The following CNGB3 variants were observed in gnomAD, a reference collection of about 807,000 sequenced individuals.
The protein encoded by CNGB3 is cyclic nucleotide-gated channel beta-3.
Under a neutral mutation model 92.8 loss-of-function variants are expected in CNGB3, and 86 were observed. The ratio of observed to expected loss-of-function variants is 0.93; its 90% CI spans 0.78 to 1.11. The LOEUF (loss-of-function observed/expected upper bound fraction) is 1.11. Ranked by LOEUF, CNGB3 falls within the 50% of genes least tolerant of loss-of-function variation. CNGB3 has a pLI of 0.00. For missense variants in CNGB3, 1,026 were observed against 956.8 expected, an observed-to-expected ratio of 1.07 and a Z score of -0.95; for synonymous variants, 333 against 332.7, an observed-to-expected ratio of 1.00 and a Z score of -0.01.
At chr8:86,689,202 G>T (rs1207307865) in intron 3 of CNGB3, among the ~76,000 whole-genome samples, 1 of 151,194 alleles carries the variant, frequency 6.6e-6, no homozygotes, top group African/African-American at 2.4e-5. Flanking sequence ...CTAACATATG[G>T]TCTACCCTTG....
intron 1 of CNGB3, among the ~76,000 whole-genome samples, chr8:86,742,050 G>A (rs1006141475): frequency 2.6e-5 from 4 of 152,200 alleles, no homozygotes; most frequent in Non-Finnish European, 5.9e-5. Flanking sequence ...TAGGACCTGT[G>A]ACTGTTGTGA....
At chr8:86,737,654 C>T (rs1031679951) in intron 2 of CNGB3, among the ~76,000 whole-genome samples, 2 of 151,958 alleles carry the variant, frequency 1.3e-5, no homozygotes, top group Non-Finnish European at 2.9e-5. Flanking sequence ...TTTTGTGTCA[C>T]GGGGGTTTGG....
chr8:86,693,725 G>A (rs1028744169), intron 3 of CNGB3, among the ~76,000 whole-genome samples: 7 of 151,630 alleles, frequency 4.6e-5, no homozygotes, highest in African/African-American at 1.7e-4. Context: ...AACCCTGAGT[G>A]GACACAGCAC....
intron 3 of CNGB3, among the ~76,000 whole-genome samples, chr8:86,710,440 C>T (rs1256861163): frequency 2.0e-5 from 3 of 152,066 alleles, no homozygotes; most frequent in African/African-American, 7.2e-5. Context: ...CAGTCCTAGG[C>T]AGAGCAATCA....
chr8:86,614,965 G>A (rs1822588904), intron 13 of CNGB3, among the ~76,000 whole-genome samples: 1 of 152,084 alleles, frequency 6.6e-6, no homozygotes, highest in African/African-American at 2.4e-5. Flanking sequence ...CCACCTCCAC[G>A]GGTTCAAACA....
chr8:86,598,006 AAAATT>A (rs1554606828), intron 15 of CNGB3, among the ~76,000 whole-genome samples: 1 of 102,602 alleles, frequency 9.7e-6, no homozygotes, highest in Admixed American at 8.3e-5. Context: ...AAAATAAAAT[AAAATT>A]AAAATAAAAT....
chr8:86,742,504 G>A (rs1050199153), intron 1 of CNGB3, among the ~76,000 whole-genome samples: 1 of 152,086 alleles, frequency 6.6e-6, no homozygotes. Flanking sequence ...CTATCCTCTA[G>A]GCTCATTTAA....
At chr8:86,579,447 TCTAA>T (rs1210997969) in intron 15 of CNGB3, among the ~76,000 whole-genome samples, 195 bp from the exon 16 acceptor site, 15 of 152,226 alleles carry the variant, frequency 9.9e-5, no homozygotes, top group African/African-American at 3.6e-4. Flanking sequence ...ATATTTTTTC[TCTAA>T]CTCTCACCTC....
At chr8:86,709,071 T>C (rs1259714002) in intron 3 of CNGB3, among the ~76,000 whole-genome samples, 2 of 152,190 alleles carry the variant, frequency 1.3e-5, no homozygotes, top group African/African-American at 2.4e-5. Flanking sequence ...TACATGCTTA[T>C]AGAAATGATC....
chr8:86,626,003 T>A lies in CNGB3; in HGVS notation c.1558A>T (p.Ser520Cys). 1 of 1,613,792 alleles carries A rather than the reference T, an allele frequency of 6.2e-7. No homozygotes were observed. The highest frequency in any genetic ancestry group is 2.2e-5 in the East Asian group (1 of 44,838). Residue 520 changes from serine to cysteine, a missense_variant, in exon 13 of 18, where the codon AGC becomes TGC. Transcript: ENST00000320005. Reference protein sequence around the residue: ...LAIDVNFSIISKVDLFKGCDT... With the variant: ...LAIDVNFSIICKVDLFKGCDT... Reference sequence around the variant, plus strand: ...CTTGCCTTGAACAAGTCGACTTTGCTGATGATGCTGAAGTTCACATCAATG... The same window carrying A: ...CTTGCCTTGAACAAGTCGACTTTGCAGATGATGCTGAAGTTCACATCAATG...
chr8:86,742,177 T>G (rs1314026374), intron 1 of CNGB3, among the ~76,000 whole-genome samples: 2 of 152,218 alleles, frequency 1.3e-5, no homozygotes, highest in African/African-American at 4.8e-5. Context: ...GGTTTTTATG[T>G]GCTCCCTTGG....
intron 6 of CNGB3, among the ~76,000 whole-genome samples, chr8:86,657,039 T>A (rs2131605380): frequency 6.6e-6 from 1 of 152,280 alleles, no homozygotes; most frequent in East Asian, 1.9e-4. Flanking sequence ...TTTAGCCCCA[T>A]TGTCCTGCCT....
chr8:86,652,623 C>G (rs189234772), intron 7 of CNGB3, among the ~76,000 whole-genome samples: 67 of 151,968 alleles, frequency 4.4e-4, no homozygotes, highest in Non-Finnish European at 7.7e-4. Flanking sequence ...AACCAAGACA[C>G]AAGCACACAA....
intron 15 of CNGB3, among the ~76,000 whole-genome samples, chr8:86,579,897 C>G (rs899073528): frequency 6.6e-6 from 1 of 152,148 alleles, no homozygotes; most frequent in Non-Finnish European, 1.5e-5. Context: ...AGTAACAGTT[C>G]CTTTGCTGTT....
intron 15 of CNGB3, among the ~76,000 whole-genome samples, chr8:86,591,622 G>C (rs1822038470): frequency 6.6e-6 from 1 of 152,192 alleles, no homozygotes; most frequent in African/African-American, 2.4e-5. Context: ...GTGTGCCCCT[G>C]CTGGAGGGTG....
intron 16 of CNGB3, 68 bp from the exon 17 acceptor site, chr8:86,578,931 A>G: frequency 1.3e-6 from 2 of 1,597,992 alleles, no homozygotes; most frequent in East Asian, 2.2e-5. Context: ...TACTAAAAAA[A>G]CTGCAATTTA....
chr8:86,592,977 A>C (rs574051841), intron 15 of CNGB3, among the ~76,000 whole-genome samples: 225 of 152,346 alleles, frequency 1.5e-3, no homozygotes, highest in African/African-American at 5.2e-3. Flanking sequence ...ATATCAGAGG[A>C]TGTTCTAAGG....
intron 3 of CNGB3, among the ~76,000 whole-genome samples, chr8:86,714,655 T>C (rs1824814901): frequency 6.6e-6 from 1 of 152,028 alleles, no homozygotes; most frequent in Admixed American, 6.6e-5. Flanking sequence ...CACAGACCCT[T>C]TGAAGGAACT....
intron 11 of CNGB3, 100 bp from the exon 12 acceptor site, chr8:86,629,178 C>T (rs1373382857): frequency 7.8e-7 from 1 of 1,287,358 alleles, no homozygotes; most frequent in Non-Finnish European, 1.1e-6. Context: ...TTCTAATGCC[C>T]TGATTACTTG....
Sources: allele counts gnomAD v4.1 joint callset (sites outside exome capture counted in the v4.1 genomes callset), GRCh38; gene constraint gnomAD v4.1.1; transcripts MANE v1.5; gene names NCBI Gene and HGNC (gene_info 2026-07-23, HGNC 2026-07-21).